CFAP47: variants seen among roughly 807,000 people sequenced by gnomAD.
CFAP47 encodes the protein cilia- and flagella-associated protein 47.
Under a neutral mutation model 148.1 loss-of-function variants are expected in CFAP47, and 29 were observed. The observed-to-expected ratio is 0.20, with a 90% CI of 0.15 to 0.27. CFAP47 has a LOEUF of 0.27. Among genes scored for constraint, CFAP47 ranks in the 10% least tolerant of loss-of-function variants. The pLI, the probability that CFAP47 is intolerant of heterozygous loss-of-function variation, is 1.00. For missense variants in CFAP47, 1,872 were observed against 1,697.5 expected (o/e 1.10, Z -1.81); for synonymous variants, 664 against 577.3 (o/e 1.15, Z -2.15).
intron 47 of CFAP47, 69 bp from the exon 48 acceptor site, chrX:36,236,617 A>G (rs782021633): frequency 2.2e-6 from 1 of 462,830 alleles, no homozygotes; most frequent in Non-Finnish European, 3.8e-6. Context: ...AAGAAGAATA[A>G]GATAGCAGAG....
intron 10 of CFAP47, among the ~76,000 whole-genome samples, chrX:35,968,967 A>G (rs1249952622): frequency 9.1e-6 from 1 of 109,763 alleles, no homozygotes; most frequent in African/African-American, 3.3e-5. Flanking sequence ...ACACATCTAT[A>G]TAGAGATATA....
intron 32 of CFAP47, among the ~76,000 whole-genome samples, chrX:36,100,501 C>G (rs1226302740): frequency 8.9e-6 from 1 of 112,164 alleles, no homozygotes; most frequent in African/African-American, 3.2e-5. Flanking sequence ...ATACTCTGTA[C>G]CCTTATTGCA....
intron 29 of CFAP47, among the ~76,000 whole-genome samples, chrX:36,074,903 G>A (rs1937819027): frequency 9.0e-6 from 1 of 110,612 alleles, no homozygotes; most frequent in African/African-American, 3.3e-5. Flanking sequence ...TCTATGCCTG[G>A]CTTATTTCAC....
At chrX:36,112,843 C>T (rs1391364730) in intron 33 of CFAP47, among the ~76,000 whole-genome samples, 1 of 111,913 alleles carries the variant, frequency 8.9e-6, no homozygotes, top group Non-Finnish European at 1.9e-5. Context: ...GAACCCTTTA[C>T]CATTATGTAA....
chrX:36,383,701 ATTC>A (rs1358766130), intron 63 of CFAP47, among the ~76,000 whole-genome samples: 2 of 111,440 alleles, frequency 1.8e-5, no homozygotes, highest in East Asian at 5.7e-4. Flanking sequence ...TGTGCAATAC[ATTC>A]TTGTATTGTT....
intron 15 of CFAP47, among the ~76,000 whole-genome samples, chrX:35,987,557 G>A (rs776737367): frequency 9.0e-6 from 1 of 111,624 alleles, no homozygotes; most frequent in African/African-American, 3.3e-5. Flanking sequence ...TGTGGGGGTG[G>A]AATCTGCTGA....
chrX:35,945,407 T>A (rs1430015969), intron 3 of CFAP47, among the ~76,000 whole-genome samples: 1 of 111,457 alleles, frequency 9.0e-6, no homozygotes, highest in Non-Finnish European at 1.9e-5. Context: ...GGTACTCTCC[T>A]TGGACCATCA....
chrX:35,951,434 C>A, intron 5 of CFAP47, 75 bp downstream of exon 5: 2 of 688,439 alleles, frequency 2.9e-6, no homozygotes, highest in Admixed American at 3.5e-5. Context: ...TAATAACCAA[C>A]AAGCTTTTTA....
chrX:36,257,085 T>G (rs1940762051), intron 49 of CFAP47, among the ~76,000 whole-genome samples: 1 of 112,452 alleles, frequency 8.9e-6, no homozygotes, highest in African/African-American at 3.2e-5. Context: ...CATAATTATC[T>G]CTTGTGAACT....
intron 33 of CFAP47, among the ~76,000 whole-genome samples, chrX:36,107,582 A>G (rs896320407): frequency 2.7e-5 from 3 of 112,186 alleles, no homozygotes; most frequent in Admixed American, 9.4e-5. Flanking sequence ...AGGAACAGAG[A>G]CAAGCCAACA....
chrX:35,939,491 G>C (rs1453340256), intron 2 of CFAP47, among the ~76,000 whole-genome samples: 1 of 87,630 alleles, frequency 1.1e-5, no homozygotes, highest in Admixed American at 1.4e-4. Context: ...TCCCCTTCCT[G>C]TGTCCATGTG....
At chrX:35,924,062 C>CATATATGTATATACGTACATGTATGCGT (rs1569201136) in intron 1 of CFAP47, among the ~76,000 whole-genome samples, 1 of 80,623 alleles carries the variant, frequency 1.2e-5, no homozygotes, top group African/African-American at 5.1e-5. Context: ...CATGTATGCG[C>CATATATGTATATACGTACATGTATGCGT]ACATATATGT....
intron 21 of CFAP47, among the ~76,000 whole-genome samples, chrX:36,007,145 T>C (rs748004712): frequency 1.8e-5 from 2 of 112,421 alleles, no homozygotes; most frequent in South Asian, 7.3e-4. Flanking sequence ...GCTCTGTATT[T>C]TCCCTGCAGT....
At chrX:36,003,920 G>A (rs563552089) in intron 21 of CFAP47, among the ~76,000 whole-genome samples, 2 of 108,713 alleles carry the variant, frequency 1.8e-5, no homozygotes, top group South Asian at 7.9e-4. Context: ...TAGCAAAGCT[G>A]GAGGATACAA....
At chrX:35,984,963 T>C (rs1936694898) in intron 15 of CFAP47, among the ~76,000 whole-genome samples, 1 of 111,603 alleles carries the variant, frequency 9.0e-6, no homozygotes, top group Admixed American at 9.5e-5. Flanking sequence ...GTCCATTTGG[T>C]TAGGTTTTTG....
At chrX:35,941,191 C>T in intron 2 of CFAP47, 92 bp from the exon 3 acceptor site, 1 of 470,545 alleles carries the variant, frequency 2.1e-6, no homozygotes, top group Non-Finnish European at 3.6e-6. Context: ...CTTTTAAGGG[C>T]TTAAGTGTCC....
At chrX:36,244,085 C>T (rs1184755605) in intron 48 of CFAP47, among the ~76,000 whole-genome samples, 1 of 111,277 alleles carries the variant, frequency 9.0e-6, no homozygotes, top group Non-Finnish European at 1.9e-5. Flanking sequence ...AAGAAGATTT[C>T]TCAAAACCAC....
chrX:35,955,425 C>A (rs1005197691), intron 7 of CFAP47, among the ~76,000 whole-genome samples: 1 of 112,166 alleles, frequency 8.9e-6, no homozygotes, highest in Non-Finnish European at 1.9e-5. Context: ...CTCTTCTCCT[C>A]CAGCCATTTG....
intron 33 of CFAP47, among the ~76,000 whole-genome samples, chrX:36,111,992 CTT>C (rs1021181738): frequency 1.8e-5 from 2 of 111,455 alleles, no homozygotes; most frequent in Non-Finnish European, 3.8e-5. Context: ...GATCTTCTCT[CTT>C]GTCTTCTTTA....
Sources: allele counts gnomAD v4.1 joint callset (sites outside exome capture counted in the v4.1 genomes callset), GRCh38; gene constraint gnomAD v4.1.1; transcripts MANE v1.5; gene names NCBI Gene and HGNC (gene_info 2026-07-23, HGNC 2026-07-21).